The following KCNH7 variants were observed in gnomAD, a reference collection of about 807,000 sequenced individuals.
KCNH7 encodes the protein voltage-gated inwardly rectifying potassium channel KCNH7.
Under a neutral mutation model 120.8 loss-of-function variants are expected in KCNH7, and 49 were observed. The ratio of observed to expected loss-of-function variants is 0.41; its 90% CI spans 0.32 to 0.51. KCNH7 has a LOEUF of 0.51. KCNH7 is among the 20% of genes least tolerant of loss of function. The pLI, the probability that KCNH7 is intolerant of heterozygous loss-of-function variation, is 0.38. For synonymous variants in KCNH7, 547 were observed against 516.1 expected, an observed-to-expected ratio of 1.06 and a Z score of -0.81; for missense variants, 1,097 against 1,446.6, an observed-to-expected ratio of 0.76 and a Z score of 3.92.
Position 162,446,368 on chromosome 2 carries a change from G to A in KCNH7, c.1204C>T (p.His402Tyr). ...TPRINKFTIL[H>Y]YSPFKAVWDW... is the part of the protein sequence containing the mutation. ...CAGACTGCCTTGAAAGGGCTGTAGT[G>A]CAATATCGTAAACTTGTTGATGCGT... is the stretch of plus-strand genomic sequence containing the variant. The change falls in exon 7 of 16, where the codon CAC becomes TAC. Residue 402 changes from histidine to tyrosine, a missense_variant. Coordinates refer to ENST00000332142, the MANE Select transcript of KCNH7 (RefSeq NM_033272.4). The A allele has an allele frequency of 6.2e-7, 1 of 1,613,726 alleles. No individual in the cohort carries two copies. Among genetic ancestry groups the A allele is most frequent in the South Asian group, 1.1e-5 (1 of 91,066 alleles).
At chr2:162,507,718 G>A (rs775257758) in intron 5 of KCNH7, among the ~76,000 whole-genome samples, 24 of 151,490 alleles carry the variant, frequency 1.6e-4, no homozygotes, top group Non-Finnish European at 3.4e-4. Context: ...TTAAAAGCAA[G>A]AACTAGCTCA....
chr2:162,513,232 T>TTC, intron 4 of KCNH7, among the ~76,000 whole-genome samples: 1 of 114,484 alleles, frequency 8.7e-6, no homozygotes, highest in Non-Finnish European at 1.7e-5. Flanking sequence ...CCTCCTGCCT[T>TTC]CCTCCCTTTC....
intron 3 of KCNH7, among the ~76,000 whole-genome samples, chr2:162,529,099 A>C (rs1190248708): frequency 1.3e-5 from 2 of 151,986 alleles, no homozygotes; most frequent in Admixed American, 6.6e-5. Flanking sequence ...AAAATCTTCT[A>C]AAGGAGATGT....
chr2:162,550,918 G>T (rs1692648536), intron 2 of KCNH7, among the ~76,000 whole-genome samples: 1 of 142,020 alleles, frequency 7.0e-6, no homozygotes, highest in Non-Finnish European at 1.5e-5. Flanking sequence ...ATAATAATAA[G>T]GCACTACATT....
intron 2 of KCNH7, among the ~76,000 whole-genome samples, chr2:162,593,833 T>G (rs920450736): frequency 6.6e-6 from 1 of 152,040 alleles, no homozygotes; most frequent in Admixed American, 6.6e-5. Flanking sequence ...TTGAAACTTT[T>G]TGAGGACTGA....
chr2:162,699,430 A>G (rs1047535411), intron 2 of KCNH7, among the ~76,000 whole-genome samples: 8 of 152,102 alleles, frequency 5.3e-5, no homozygotes, highest in African/African-American at 1.9e-4. Context: ...TCATTCCCCA[A>G]TAAATTTATT....
At chr2:162,714,662 A>T (rs1421633360) in intron 2 of KCNH7, among the ~76,000 whole-genome samples, 1 of 152,232 alleles carries the variant, frequency 6.6e-6, no homozygotes. Context: ...AATGCAGTCC[A>T]CATAGCTCTT....
intron 6 of KCNH7, among the ~76,000 whole-genome samples, chr2:162,468,512 CTTTTTTTTTTT>C (rs1166606647): frequency 1.9e-3 from 147 of 78,912 alleles, no homozygotes; most frequent in African/African-American, 9.2e-3. Context: ...TATTCTTTTC[CTTTTTTTTTTT>C]TTTTTTTTTT....
At position 162,435,247 on chromosome 2, in the gene KCNH7, A is replaced by C. The variant is rs1446041957; in HGVS notation, c.1905T>G (p.Pro635=). Residue 635 remains proline, a synonymous_variant, in exon 8 of 16, where the codon CCT becomes CCG. Coordinates refer to ENST00000332142, the MANE Select transcript of KCNH7 (RefSeq NM_033272.4). ...LTSVGFGNVS[P]NTNSEKIFSI... Reference sequence around the variant, plus strand: ...AAAAGATTTTCTCCGAATTCGTGTTAGGAGACACATTCCCGAATCCTACAC... The same window carrying C: ...AAAAGATTTTCTCCGAATTCGTGTTCGGAGACACATTCCCGAATCCTACAC... 6.2e-7 allele frequency: 1 copy of C among 1,613,524 alleles called. No homozygotes were observed. The highest frequency in any genetic ancestry group is 1.3e-5 in the African/African-American group (1 of 74,888).
At chr2:162,637,223 T>C (rs756929920) in intron 2 of KCNH7, among the ~76,000 whole-genome samples, 5 of 152,198 alleles carry the variant, frequency 3.3e-5, no homozygotes, top group African/African-American at 4.8e-5. Context: ...ACATTTCTAG[T>C]CTCTTTCCAT....
At chr2:162,513,358 TTTCCTTCCTTCC>T (rs71009361) in intron 4 of KCNH7, among the ~76,000 whole-genome samples, 6 of 91,700 alleles carry the variant, frequency 6.5e-5, no homozygotes, top group East Asian at 4.2e-4. Flanking sequence ...TCCCTCCTTC[TTTCCTTCCTTCC>T]TTCCTTCCTT....
intron 2 of KCNH7, among the ~76,000 whole-genome samples, chr2:162,630,586 T>C (rs999145684): frequency 6.6e-6 from 1 of 152,184 alleles, no homozygotes; most frequent in East Asian, 1.9e-4. Context: ...AAAAAGATAG[T>C]TGTTTCAGGC....
intron 5 of KCNH7, 123 bp from the exon 6 acceptor site, chr2:162,504,780 GC>G: frequency 1.5e-6 from 1 of 658,042 alleles, no homozygotes; most frequent in Non-Finnish European, 2.7e-6. Flanking sequence ...ACTGAATGCA[GC>G]CAGCTTATAC....
At chr2:162,739,912 G>C (rs1387306790) in intron 2 of KCNH7, among the ~76,000 whole-genome samples, 1 of 149,522 alleles carries the variant, frequency 6.7e-6, no homozygotes, top group Non-Finnish European at 1.5e-5. Context: ...TTGAGTCCAA[G>C]TTATTACTCA....
chr2:162,469,026 T>C (rs1272089708), intron 6 of KCNH7, among the ~76,000 whole-genome samples: 1 of 152,164 alleles, frequency 6.6e-6, no homozygotes, highest in African/African-American at 2.4e-5. Flanking sequence ...AATTTTTTAA[T>C]TTTTATTTTG....
chr2:162,466,848 A>G (rs962614820), intron 6 of KCNH7, among the ~76,000 whole-genome samples: 7 of 152,208 alleles, frequency 4.6e-5, no homozygotes, highest in Non-Finnish European at 1.0e-4. Flanking sequence ...TGAAATGAGG[A>G]GAGGTGATTC....
chr2:162,401,373 T>G lies in KCNH7; in HGVS notation c.2155-932A>C, dbSNP rs547582305. Among the ~76,000 whole-genome samples, 25 of 152,048 alleles carry G rather than the reference T, an allele frequency of 1.6e-4. No individual in the cohort carries two copies. In the South Asian group the frequency reaches 5.0e-3, roughly 30 times the overall value. The stretch of plus-strand genomic sequence containing the variant: ...CATTCTCCTACCAGTACAAGCAGAC[T>G]CATTTAAATACACTTTGAGGTGGAG... On this transcript the variant is annotated intron_variant, in intron 9 of 15. Coordinates refer to ENST00000332142, the MANE Select transcript of KCNH7 (RefSeq NM_033272.4).
At chr2:162,392,072 G>C (rs1686760809) in intron 12 of KCNH7, among the ~76,000 whole-genome samples, 1 of 151,920 alleles carries the variant, frequency 6.6e-6, no homozygotes, top group South Asian at 2.1e-4. Context: ...CTACAGTTTG[G>C]CAAAGGCAAA....
intron 9 of KCNH7, among the ~76,000 whole-genome samples, chr2:162,422,019 C>G (rs1018634538): frequency 2.0e-5 from 3 of 152,076 alleles, no homozygotes; most frequent in Non-Finnish European, 4.4e-5. Flanking sequence ...AAAGTGATCT[C>G]TTTCTTGTGA....
Sources: allele counts gnomAD v4.1 joint callset (sites outside exome capture counted in the v4.1 genomes callset), GRCh38; gene constraint gnomAD v4.1.1; transcripts MANE v1.5; gene names NCBI Gene and HGNC (gene_info 2026-07-23, HGNC 2026-07-21).